The following PALM variants were observed in gnomAD, a reference collection of about 807,000 sequenced individuals.
The protein encoded by PALM is paralemmin, also known as paralemmin-1.
Under a neutral mutation model 30.7 loss-of-function variants are expected in PALM, and 18 were observed. The observed-to-expected ratio is 0.59, with a 90% CI of 0.41 to 0.87. The LOEUF is 0.87. Among genes scored for constraint, PALM ranks in the 40% least tolerant of loss-of-function variants. The pLI is 0.00. For synonymous variants in PALM, 286 were observed against 242.8 expected, an observed-to-expected ratio of 1.18 and a Z score of -1.66; for missense variants, 529 against 555.4, an observed-to-expected ratio of 0.95 and a Z score of 0.48.
intron 6 of PALM, 148 bp downstream of exon 6, chr19:734,342 C>G (rs769294406): frequency 5.6e-6 from 4 of 709,062 alleles, no homozygotes; most frequent in Non-Finnish European, 9.6e-6. Flanking sequence ...GGTAGATCTC[C>G]TGAGGTCAGG....
chr19:734,561 G>A (rs1599159223), intron 6 of PALM: 4 of 257,046 alleles, frequency 1.6e-5, no homozygotes, highest in East Asian at 2.5e-4. Context: ...AAAATTAGCC[G>A]CCGGCCAGGC....
intron 2 of PALM, 25 bp downstream of exon 2, chr19:726,214 G>T (rs371850222): frequency 6.2e-7 from 1 of 1,609,176 alleles, no homozygotes; most frequent in East Asian, 2.2e-5. Flanking sequence ...CCCCGCAGAC[G>T]GTGTGGTCAG....
At chr19:714,298 C>A (rs2032183315) in intron 1 of PALM, among the ~76,000 whole-genome samples, 1 of 151,774 alleles carries the variant, frequency 6.6e-6, no homozygotes, top group Non-Finnish European at 1.5e-5. Context: ...CCTCGGCTTC[C>A]CAAAGTGCTG....
intron 1 of PALM, among the ~76,000 whole-genome samples, chr19:718,028 G>T (rs1456151168): frequency 6.6e-6 from 1 of 151,882 alleles, no homozygotes; most frequent in Non-Finnish European, 1.5e-5. Context: ...CTAAAAATAC[G>T]AAAATTAGCC....
chr19:743,756 G>A (rs1006336637), intron 8 of PALM, among the ~76,000 whole-genome samples: 1 of 152,088 alleles, frequency 6.6e-6, no homozygotes, highest in East Asian at 1.9e-4. Flanking sequence ...AGGGAGCCGT[G>A]GGGTGCTGAA....
intron 1 of PALM, among the ~76,000 whole-genome samples, chr19:721,997 C>T (rs1156467040): frequency 1.3e-5 from 2 of 151,950 alleles, no homozygotes; most frequent in Non-Finnish European, 2.9e-5. Context: ...CGGCTCACTG[C>T]AAGCTCCGCC....
intron 7 of PALM, among the ~76,000 whole-genome samples, chr19:739,236 C>T (rs754550977): frequency 3.3e-5 from 5 of 151,880 alleles, no homozygotes; most frequent in Admixed American, 2.0e-4. Flanking sequence ...AAATAGATGA[C>T]GGCGTGTCCA....
At chr19:719,500 G>A in intron 1 of PALM, 2 of 985,450 alleles carry the variant, frequency 2.0e-6, no homozygotes, top group Non-Finnish European at 2.4e-6. Flanking sequence ...GGCGCTCCAG[G>A]GGCTCTGCGC....
In PALM at chr19:710,663, C is replaced by A. The variant is rs896052235; in HGVS notation, c.5+1512C>A. 5.3e-3 allele frequency among the ~76,000 whole-genome samples: 471 copies of A among 88,116 alleles called. 1 individual carries two copies. Among genetic ancestry groups the A allele is most frequent in the African/African-American group, 0.014 (287 of 20,556 alleles). The allele number at this position is 88,116 out of a possible 152,430, so 57.8% of individuals were successfully genotyped here. A position where few individuals can be genotyped will look rare whatever the true frequency, so the allele number is the denominator to read the frequency against. ...GAGAGGAGCTGCTGCCCCCCCCCCA[C>A]CCCCCCTCCATCACACAGCACCTGG... On this transcript the variant is annotated intron_variant, in intron 1 of 8. Coordinates refer to ENST00000338448, the MANE Select transcript of PALM (RefSeq NM_002579.3).
rs1377189025 is a variant in PALM at position 742,631 on chromosome 19, G to A, written c.634+2148G>A. On this transcript the variant is annotated intron_variant, in intron 8 of 8. Coordinates refer to ENST00000338448, the MANE Select transcript of PALM (RefSeq NM_002579.3). This position sits in a 1 kb window ranked among gnomAD's most constrained non-coding sequence, Gnocchi z 5.5. ...AAAAAAAAAAAAAAGAAAGAAAAGA[G>A]AATAAATGGGGTCACACACTGCACG... Among the ~76,000 whole-genome samples the A allele has an allele frequency of 2.5e-5, 3 of 119,144 alleles. No individual in the cohort carries two copies. Among genetic ancestry groups the A allele is most frequent in the Non-Finnish European group, 5.6e-5 (3 of 53,208 alleles). The allele number at this position is 119,144 out of a possible 152,430, so 78.2% of individuals were successfully genotyped here. A position where few individuals can be genotyped will look rare whatever the true frequency, so the allele number is the denominator to read the frequency against.
chr19:721,100 G>C (rs1427759732), intron 1 of PALM, among the ~76,000 whole-genome samples: 2 of 152,188 alleles, frequency 1.3e-5, no homozygotes, highest in African/African-American at 4.8e-5. Context: ...AGGGGGAACC[G>C]TGTGTGAGAG....
chr19:724,155 C>CGGTTCTT (rs1449103992), intron 1 of PALM, among the ~76,000 whole-genome samples: 2 of 152,020 alleles, frequency 1.3e-5, no homozygotes, highest in Non-Finnish European at 2.9e-5. Flanking sequence ...CAGAATTCCT[C>CGGTTCTT]GGTTCTTTCC....
At chr19:731,427 C>T (rs542211532) in intron 5 of PALM, among the ~76,000 whole-genome samples, 182 bp downstream of exon 5, 1 of 152,314 alleles carries the variant, frequency 6.6e-6, no homozygotes, top group Admixed American at 6.5e-5. Flanking sequence ...GTGGTTTCGC[C>T]TTGCTGGGCC....
chr19:719,521 AGCCAGG>A, intron 1 of PALM: 1 of 985,338 alleles, frequency 1.0e-6, no homozygotes. Context: ...GGCTGCCGGG[AGCCAGG>A]GAGGCTCGGA....
In PALM at chr19:742,355, G is replaced by A. The variant is rs1215333201; in HGVS notation, c.634+1872G>A. 2.6e-5 allele frequency among the ~76,000 whole-genome samples: 4 copies of A among 152,008 alleles called. No homozygotes were observed. Among genetic ancestry groups the A allele is most frequent in the East Asian group, 3.9e-4 (2 of 5,190 alleles). ...TGCGGTGGCTCACACCTGTAATCCCGGCACTTTGGGAGGCCGAGGCGGGTG... is the reference window on the plus strand; with the variant it reads ...TGCGGTGGCTCACACCTGTAATCCCAGCACTTTGGGAGGCCGAGGCGGGTG... On this transcript the variant is annotated intron_variant, in intron 8 of 8. Transcript: ENST00000338448. The surrounding 1 kb of genome is among the most constrained non-coding windows in gnomAD (Gnocchi z 5.5).
chr19:710,344 C>G (rs930086690), intron 1 of PALM, among the ~76,000 whole-genome samples: 1 of 152,224 alleles, frequency 6.6e-6, no homozygotes, highest in Admixed American at 6.5e-5. Context: ...CCCCTCTCCC[C>G]GTCACCCCGC....
At chr19:711,412 G>C (rs1435609085) in intron 1 of PALM, among the ~76,000 whole-genome samples, 1 of 152,132 alleles carries the variant, frequency 6.6e-6, no homozygotes, top group African/African-American at 2.4e-5. Flanking sequence ...GAACAGACTT[G>C]GGCCTGGACA....
At chr19:733,713 C>T (rs886101554) in intron 5 of PALM, among the ~76,000 whole-genome samples, 3 of 152,142 alleles carry the variant, frequency 2.0e-5, no homozygotes, top group African/African-American at 7.2e-5. Flanking sequence ...ATGGAGCGGA[C>T]GTGGTGGCTC....
At chr19:710,533 C>G (rs2032039771) in intron 1 of PALM, among the ~76,000 whole-genome samples, 1 of 152,162 alleles carries the variant, frequency 6.6e-6, no homozygotes, top group African/African-American at 2.4e-5. Flanking sequence ...AGGAGGACGA[C>G]GGAGATCTCC....
Sources: gnomAD v4.1 joint callset for allele counts (sites outside exome capture counted in the v4.1 genomes callset) on GRCh38, gnomAD v4.1.1 for gene constraint, Gnocchi (gnomAD v3.1) non-coding constraint, MANE v1.5 for transcripts, NCBI Gene and HGNC (gene_info 2026-07-23, HGNC 2026-07-21) for gene names.